The following STAG2 variants were observed in gnomAD, a reference collection of about 807,000 sequenced individuals.
STAG2 encodes the protein cohesin subunit SA-2.
Under a neutral mutation model 108.1 loss-of-function variants are expected in STAG2, and 14 were observed. That is an observed-to-expected ratio of 0.13 (90% confidence interval 0.09 to 0.20). The LOEUF is 0.20. STAG2 is among the 10% of genes least tolerant of loss of function. The pLI is 1.00. For synonymous variants in STAG2, 307 were observed against 302.7 expected (o/e 1.01, Z -0.15); for missense variants, 440 against 940.9 (o/e 0.47, Z 6.96).
intron 32 of STAG2, 150 bp from the exon 33 acceptor site, chrX:124,093,868 T>A: frequency 1.8e-6 from 1 of 570,099 alleles, no homozygotes; most frequent in Non-Finnish European, 2.7e-6. Context: ...TTGATATCAT[T>A]GATGACATAA....
intron 30 of STAG2, among the ~76,000 whole-genome samples, chrX:124,090,186 A>AG (rs2059222181): frequency 2.0e-5 from 2 of 100,061 alleles, no homozygotes; most frequent in Admixed American, 2.2e-4. Flanking sequence ...AAAAAAAAAA[A>AG]GGTTTAGTCC....
intron 10 of STAG2, among the ~76,000 whole-genome samples, chrX:124,049,500 C>G (rs1321963361): frequency 1.8e-5 from 2 of 112,040 alleles, no homozygotes; most frequent in Non-Finnish European, 3.8e-5. Context: ...AAATAGTAAT[C>G]TTATAAATTT....
At chrX:124,053,419 A>G (rs900712065) in intron 13 of STAG2, among the ~76,000 whole-genome samples, 1 of 111,108 alleles carries the variant, frequency 9.0e-6, no homozygotes, top group African/African-American at 3.3e-5. Flanking sequence ...CCCATTCTGT[A>G]TATTTACCAC....
rs2058365697 is a variant in STAG2, at chrX:124,061,151, A to AT, written c.1417-73_1417-72insT. 15 of 747,355 alleles carry AT rather than the reference A, an allele frequency of 2.0e-5. No individual in the cohort carries two copies. The East Asian group carries it at 4.5e-4, about 22-fold the overall frequency. The allele number at this position is 747,355 out of a possible 1,213,427, so 61.6% of individuals were successfully genotyped here. The stretch of plus-strand genomic sequence containing the variant: ...TTGAGAGTTTGTAGATGATGTCAAT[A>AT]AAGTTTCCATTCTTTTGAGTTAAGG... On this transcript the variant is annotated intron_variant, in intron 15 of 34. Coordinates refer to ENST00000371145, the MANE Select transcript of STAG2 (RefSeq NM_001042750.2).
At chrX:124,026,004 T>C in intron 4 of STAG2, 86 bp downstream of exon 4, 1 of 730,756 alleles carries the variant, frequency 1.4e-6, no homozygotes. Context: ...AGTTTTATCT[T>C]TTAAAAATGG....
intron 1 of STAG2, among the ~76,000 whole-genome samples, chrX:123,999,697 C>T (rs748595892): frequency 2.7e-5 from 3 of 111,200 alleles, no homozygotes; most frequent in East Asian, 5.6e-4. Context: ...CTGCAACAAC[C>T]TCCGCCTCCT....
intron 1 of STAG2, among the ~76,000 whole-genome samples, chrX:124,009,443 G>GTAGATAGATAGATAGA (rs1160208021): frequency 8.2e-4 from 52 of 63,596 alleles, no homozygotes; most frequent in African/African-American, 2.3e-3. Flanking sequence ...AGGTAGGTAG[G>GTAGATAGATAGATAGA]TAGATAGATA....
At chrX:123,990,539 C>T (rs927242914) in intron 1 of STAG2, among the ~76,000 whole-genome samples, 2 of 111,414 alleles carry the variant, frequency 1.8e-5, no homozygotes, top group Non-Finnish European at 3.8e-5. Flanking sequence ...TTACTATGTA[C>T]ATATTTTGAT....
Position 124,065,917 on chromosome X carries a change from A to C in STAG2, c.2067A>C (p.Ser689=), listed in dbSNP as rs1297053122. The C allele has an allele frequency of 3.4e-6, 4 of 1,176,793 alleles. No individual in the cohort carries two copies. In the South Asian group the frequency reaches 6.0e-5, roughly 18 times the overall value. ...AAGATGATGCATATCAGGTATTGTC[A>C]ACATTGAAGAGGATCACTGCTTTTC... ...PDEDDAYQVL[S]TLKRITAFHN... Residue 689 remains serine, a synonymous_variant, in exon 21 of 35, where the codon TCA becomes TCC. Transcript: ENST00000371145.
chrX:124,090,446 G>T, intron 30 of STAG2, 129 bp from the exon 31 acceptor site: 3 of 555,428 alleles, frequency 5.4e-6, no homozygotes, highest in South Asian at 3.1e-5. Context: ...CCTTACATAG[G>T]TTTGTGTCCC....
intron 1 of STAG2, among the ~76,000 whole-genome samples, chrX:123,962,901 CTG>C (rs750372251): frequency 4.5e-5 from 5 of 111,358 alleles, no homozygotes; most frequent in Non-Finnish European, 9.4e-5. Context: ...GTATTTGTCT[CTG>C]TGGATTGGAC....
chrX:124,098,742 A>G (rs1297350134), intron 34 of STAG2, among the ~76,000 whole-genome samples: 2 of 112,270 alleles, frequency 1.8e-5, no homozygotes, highest in African/African-American at 3.2e-5. Flanking sequence ...TTAAACACTT[A>G]ATTTTTAAAC....
At chrX:124,061,108 C>CA in intron 15 of STAG2, 116 bp from the exon 16 acceptor site, 1 of 488,390 alleles carries the variant, frequency 2.0e-6, no homozygotes, top group Non-Finnish European at 3.2e-6. Context: ...TATTTGACGT[C>CA]AAAAAATAGA....
chrX:123,983,565 GCTT>G (rs2054996424), intron 1 of STAG2, among the ~76,000 whole-genome samples: 1 of 111,464 alleles, frequency 9.0e-6, no homozygotes, highest in African/African-American at 3.3e-5. Flanking sequence ...AACTTAGCCT[GCTT>G]CTTGATAGTA....
intron 9 of STAG2, 141 bp downstream of exon 9, chrX:124,047,646 A>G: frequency 3.7e-6 from 2 of 533,672 alleles, no homozygotes; most frequent in Admixed American, 8.4e-5. Context: ...TTGCCCAACA[A>G]AATTCTGATG....
At position 124,076,288 on chromosome X, in the gene STAG2, G is replaced by T. The variant is rs1052677311; in HGVS notation, c.2534-44G>T. The T allele has an allele frequency of 6.0e-6, 7 of 1,169,944 alleles. No individual in the cohort carries two copies. In the Admixed American group the frequency reaches 1.2e-4, roughly 19 times the overall value. On this transcript the variant is annotated intron_variant, in intron 25 of 34. Transcript: ENST00000371145. ...TGAGAATTAAAAAAAATACATGGTT[G>T]AAATAAAATACAAGATGCTTAATGT...
chrX:124,092,555 C>T (rs752152131), intron 32 of STAG2, among the ~76,000 whole-genome samples: 30 of 111,771 alleles, frequency 2.7e-4, no homozygotes, highest in African/African-American at 9.7e-4. Flanking sequence ...AGTTAACTCC[C>T]CCGCCTCCCG....
intron 15 of STAG2, 34 bp downstream of exon 15, chrX:124,058,011 C>T (rs769543349): frequency 1.1e-5 from 11 of 1,001,305 alleles, no homozygotes; most frequent in South Asian, 9.5e-5. Flanking sequence ...TACTTAGGTT[C>T]GAAAAATTTT....
At chrX:123,982,064 G>A in intron 1 of STAG2, among the ~76,000 whole-genome samples, 1 of 110,320 alleles carries the variant, frequency 9.1e-6, no homozygotes, top group East Asian at 2.8e-4. Context: ...AATGCCGCTG[G>A]GTGAGGTGGC....
Sources: allele counts gnomAD v4.1 joint callset (sites outside exome capture counted in the v4.1 genomes callset), GRCh38; gene constraint gnomAD v4.1.1; transcripts MANE v1.5; gene names NCBI Gene and HGNC (gene_info 2026-07-23, HGNC 2026-07-21).